The following FHIT variants were observed in gnomAD, a reference collection of about 807,000 sequenced individuals.
The protein encoded by FHIT is fragile histidine triad diadenosine triphosphatase, also known as bis(5'-adenosyl)-triphosphatase.
Under a neutral mutation model 17.9 loss-of-function variants are expected in FHIT, and 19 were observed. The ratio of observed to expected loss-of-function variants is 1.06; its 90% confidence interval spans 0.74 to 1.56. The LOEUF is 1.56. FHIT is among the 40% of genes most tolerant of loss of function. The pLI, the probability that FHIT is intolerant of heterozygous loss-of-function variation, is 0.00. For missense variants in FHIT, 248 were observed against 189.2 expected (o/e 1.31, Z -1.82); for synonymous variants, 81 against 69.7 (o/e 1.16, Z -0.81).
chr3:61,108,655 T>C lies in FHIT; in HGVS notation c.-163-66556A>G, dbSNP rs143494128. Among the ~76,000 whole-genome samples, 93 of 152,316 alleles carry C rather than the reference T, an allele frequency of 6.1e-4. 1 individual carries two copies. Among genetic ancestry groups the C allele is most frequent in the African/African-American group, 2.2e-3 (90 of 41,574 alleles). Reference sequence around the variant, plus strand: ...TATTACAGTCTGATCTTTGGGCCAGTGGTCTCCCTGTGTCACAAGGCAAGC... The same window carrying C: ...TATTACAGTCTGATCTTTGGGCCAGCGGTCTCCCTGTGTCACAAGGCAAGC... On this transcript the variant is annotated intron_variant, in intron 2 of 9. Transcript: ENST00000492590.
At chr3:60,953,646 C>A (rs948170951) in intron 3 of FHIT, among the ~76,000 whole-genome samples, 4 of 152,110 alleles carry the variant, frequency 2.6e-5, no homozygotes, top group Non-Finnish European at 4.4e-5. Flanking sequence ...ACATCCCTTC[C>A]CATCTCATAC....
chr3:60,541,675 G>T (rs959507058), intron 4 of FHIT, among the ~76,000 whole-genome samples: 1 of 152,162 alleles, frequency 6.6e-6, no homozygotes, highest in African/African-American at 2.4e-5. Context: ...TTGCCAAACT[G>T]GTAGACTATG....
intron 5 of FHIT, among the ~76,000 whole-genome samples, chr3:60,215,965 A>T (rs933850691): frequency 2.0e-5 from 3 of 152,218 alleles, no homozygotes; most frequent in African/African-American, 7.2e-5. Context: ...AAATAAAGAC[A>T]TACACTCCAA....
intron 5 of FHIT, among the ~76,000 whole-genome samples, chr3:60,251,982 C>T (rs213396): frequency 0.31 from 47,481 of 152,010 alleles, 8,855 homozygotes; most frequent in African/African-American, 0.52. Flanking sequence ...CTCTGGAAAA[C>T]GCATTCCAAA....
At chr3:60,561,020 T>C (rs2036924144) in intron 4 of FHIT, among the ~76,000 whole-genome samples, 1 of 152,134 alleles carries the variant, frequency 6.6e-6, no homozygotes, top group African/African-American at 2.4e-5. Flanking sequence ...GGCAAATAAT[T>C]GATACCCAAC....
chr3:61,246,069 G>A (rs2040480254), intron 1 of FHIT, among the ~76,000 whole-genome samples: 1 of 152,178 alleles, frequency 6.6e-6, no homozygotes, highest in Non-Finnish European at 1.5e-5. Flanking sequence ...CGTCCTCACT[G>A]CTATACTCCC....
chr3:60,120,174 T>C (rs943328804), intron 5 of FHIT, among the ~76,000 whole-genome samples: 2 of 152,198 alleles, frequency 1.3e-5, no homozygotes, highest in Non-Finnish European at 2.9e-5. Flanking sequence ...TACAGCACAA[T>C]GAGCATGTAG....
At chr3:61,134,450 G>C (rs1348478558) in intron 2 of FHIT, among the ~76,000 whole-genome samples, 1 of 152,106 alleles carries the variant, frequency 6.6e-6, no homozygotes, top group African/African-American at 2.4e-5. Context: ...AATGGTCTGT[G>C]GGCCCACAGG....
At chr3:60,073,941 C>T (rs192132641) in intron 5 of FHIT, among the ~76,000 whole-genome samples, 67 of 152,306 alleles carry the variant, frequency 4.4e-4, no homozygotes, top group Non-Finnish European at 7.9e-4. Context: ...TAAATATTCA[C>T]TCTCTCTTTA....
At chr3:60,776,648 A>T (rs1381567260) in intron 4 of FHIT, among the ~76,000 whole-genome samples, 1 of 152,222 alleles carries the variant, frequency 6.6e-6, no homozygotes, top group Non-Finnish European at 1.5e-5. Flanking sequence ...AAGAAGGCAA[A>T]CCTTGGCTGC....
chr3:60,929,092 T>A (rs1575707068), intron 3 of FHIT, among the ~76,000 whole-genome samples: 1 of 152,256 alleles, frequency 6.6e-6, no homozygotes, highest in Middle Eastern at 3.4e-3. Context: ...ATCCAACATA[T>A]AAACAGAACC....
rs869239307 is a variant in FHIT, at chr3:60,976,096, C to CTTTTTTTTTTTT, written c.-111+65939_-111+65950dup. Among the ~76,000 whole-genome samples the CTTTTTTTTTTTT allele has an allele frequency of 4.3e-3, 289 of 66,782 alleles. 40 individuals carry two copies. Among genetic ancestry groups the CTTTTTTTTTTTT allele is most frequent in the African/African-American group, 5.4e-3 (82 of 15,108 alleles). The allele number at this position is 66,782 out of a possible 152,430, so 43.8% of individuals were successfully genotyped here. On this transcript the variant is annotated intron_variant, in intron 3 of 9. Coordinates refer to ENST00000492590, the MANE Select transcript of FHIT (RefSeq NM_002012.4). The stretch of plus-strand genomic sequence containing the variant: ...CTTTGTATCTTTCGTTTTTCTTTTT[C>CTTTTTTTTTTTT]TTTTTTTTTTTTTTTTTTTTTTTTT...
At chr3:60,437,238 C>T (rs2030353203) in intron 5 of FHIT, among the ~76,000 whole-genome samples, 1 of 152,002 alleles carries the variant, frequency 6.6e-6, no homozygotes, top group African/African-American at 2.4e-5. Context: ...CTGCTGGAGC[C>T]AGGCAAGGAT....
intron 7 of FHIT, among the ~76,000 whole-genome samples, chr3:59,934,455 T>C (rs946825069): frequency 3.9e-5 from 6 of 152,140 alleles, no homozygotes; most frequent in African/African-American, 1.4e-4. Context: ...TCTAACAAAT[T>C]GAGATCAATC....
intron 3 of FHIT, among the ~76,000 whole-genome samples, chr3:61,007,168 T>C (rs2031509306): frequency 6.6e-6 from 1 of 152,238 alleles, no homozygotes. Flanking sequence ...TGCTTCTTCT[T>C]TAGTAATCAT....
At chr3:59,977,127 T>C (rs1246412741) in intron 7 of FHIT, among the ~76,000 whole-genome samples, 1 of 152,080 alleles carries the variant, frequency 6.6e-6, no homozygotes, top group Non-Finnish European at 1.5e-5. Context: ...CCAAAAGACA[T>C]TAAGATCTTA....
intron 4 of FHIT, among the ~76,000 whole-genome samples, chr3:60,744,305 A>T (rs1411318976): frequency 6.6e-6 from 1 of 151,632 alleles, no homozygotes; most frequent in African/African-American, 2.4e-5. Context: ...GAAAAGAAAA[A>T]AACCTATATG....
At chr3:59,987,893 A>T (rs907056034) in intron 7 of FHIT, among the ~76,000 whole-genome samples, 25 of 152,212 alleles carry the variant, frequency 1.6e-4, no homozygotes, top group Middle Eastern at 3.4e-3. Flanking sequence ...TATATCAAGA[A>T]GCCTTAGGTA....
chr3:60,534,418 C>T lies in FHIT; in HGVS notation c.103+2442G>A, dbSNP rs1328772054. On this transcript the variant is annotated intron_variant, in intron 5 of 9. Coordinates refer to ENST00000492590, the MANE Select transcript of FHIT (RefSeq NM_002012.4). ...ACTGCAGTCCGCAGTCCGGCCTGGG[C>T]GACAGAGCGAGACTCCGTCTCAAAA... Among the ~76,000 whole-genome samples, 4 of 98,840 alleles carry T rather than the reference C, an allele frequency of 4.0e-5. No individual in the cohort carries two copies. In the South Asian group the frequency reaches 1.2e-3, roughly 30 times the overall value. 64.8% of individuals were successfully genotyped at this position (98,840 alleles called of 152,430 possible).
Sources: gnomAD v4.1 joint callset for allele counts (sites outside exome capture counted in the v4.1 genomes callset) on GRCh38, gnomAD v4.1.1 for gene constraint, MANE v1.5 for transcripts, NCBI Gene and HGNC (gene_info 2026-07-23, HGNC 2026-07-21) for gene names.